Variants in THSD4 observed in about 807,000 individuals in gnomAD.
The protein encoded by THSD4 is thrombospondin type 1 domain containing 4.
Under a neutral mutation model 119.0 loss-of-function variants are expected in THSD4, and 69 were observed. The observed-to-expected ratio is 0.58, with a 90% confidence interval of 0.48 to 0.71. The LOEUF is 0.71. Among genes scored for constraint, THSD4 ranks in the 30% least tolerant of loss-of-function variants. THSD4 has a pLI of 0.00. For missense variants in THSD4, 1,393 were observed against 1,391.1 expected, an observed-to-expected ratio of 1.00 and a Z score of -0.02; for synonymous variants, 524 against 540.4, an observed-to-expected ratio of 0.97 and a Z score of 0.42.
chr15:71,440,193 A>C (rs1235968830), intron 7 of THSD4, among the ~76,000 whole-genome samples: 1 of 152,162 alleles, frequency 6.6e-6, no homozygotes, highest in African/African-American at 2.4e-5. Context: ...GCATGAACAA[A>C]GATTTTGGAT....
chr15:71,636,954 G>T (rs886170409), intron 7 of THSD4, among the ~76,000 whole-genome samples: 4 of 150,312 alleles, frequency 2.7e-5, no homozygotes, highest in Non-Finnish European at 5.9e-5. Context: ...GTGTGATCTC[G>T]GCTCACTACA....
chr15:71,584,496 T>C (rs2049625610), intron 7 of THSD4, among the ~76,000 whole-genome samples: 1 of 152,020 alleles, frequency 6.6e-6, no homozygotes, highest in Non-Finnish European at 1.5e-5. Flanking sequence ...CTCAAACTCC[T>C]GACCTCAGAT....
chr15:71,688,686 G>T (rs965213251), intron 8 of THSD4, among the ~76,000 whole-genome samples: 2 of 139,464 alleles, frequency 1.4e-5, no homozygotes, highest in African/African-American at 5.3e-5. Flanking sequence ...TGTTGTTGAG[G>T]TTTTTTTTTG....
At chr15:71,543,730 G>A (rs1043795432) in intron 7 of THSD4, among the ~76,000 whole-genome samples, 6 of 152,180 alleles carry the variant, frequency 3.9e-5, no homozygotes, top group African/African-American at 1.4e-4. Context: ...GATGGTTGTA[G>A]AGAATCACAG....
intron 6 of THSD4, among the ~76,000 whole-genome samples, chr15:71,354,879 C>T (rs952625073): frequency 6.6e-6 from 1 of 152,174 alleles, no homozygotes; most frequent in Admixed American, 6.5e-5. Flanking sequence ...ATGCTTAGAA[C>T]ATTTCATCTT....
chr15:71,552,205 T>G (rs753300907), intron 7 of THSD4, among the ~76,000 whole-genome samples: 5 of 152,220 alleles, frequency 3.3e-5, no homozygotes, highest in Non-Finnish European at 7.3e-5. Context: ...AGCTCGATCC[T>G]GAGAACTGGA....
chr15:71,173,168 A>C (rs1285551498), intron 3 of THSD4, among the ~76,000 whole-genome samples: 1 of 152,162 alleles, frequency 6.6e-6, no homozygotes, highest in African/African-American at 2.4e-5. Context: ...AAATGAATTC[A>C]CCAAAGTAGC....
At chr15:71,561,863 A>AACACACACACACAC (rs71154780) in intron 7 of THSD4, among the ~76,000 whole-genome samples, 2 of 130,370 alleles carry the variant, frequency 1.5e-5, no homozygotes, top group African/African-American at 6.1e-5. Flanking sequence ...TTTTAAAATA[A>AACACACACACACAC]ACACACACAC....
intron 1 of THSD4, among the ~76,000 whole-genome samples, chr15:71,139,670 A>C (rs1427859835): frequency 2.6e-5 from 4 of 152,196 alleles, no homozygotes; most frequent in African/African-American, 9.7e-5. Context: ...TAAAATCTTG[A>C]TTCTTTTTCC....
intron 7 of THSD4, among the ~76,000 whole-genome samples, chr15:71,479,011 A>G (rs1187175907): frequency 2.0e-5 from 3 of 151,926 alleles, no homozygotes; most frequent in African/African-American, 4.8e-5. Context: ...AACACCAGAG[A>G]GCTGTGGGCC....
In THSD4 at chr15:71,391,284, C is replaced by T. The variant is rs182580627; in HGVS notation, c.1016-20403C>T. Among the ~76,000 whole-genome samples, 112 of 152,286 alleles carry T rather than the reference C, an allele frequency of 7.4e-4. 1 individual carries two copies. Among genetic ancestry groups the T allele is most frequent in the African/African-American group, 2.6e-3 (106 of 41,562 alleles). ...GACCTCGTGATCCGCCTGCCTCGGC[C>T]TCTCAAAGTGCTGGGATTACAGGCG... On this transcript the variant is annotated intron_variant, in intron 6 of 17. Transcript: ENST00000261862.
intron 6 of THSD4, among the ~76,000 whole-genome samples, chr15:71,311,463 T>TGGA (rs2045109747): frequency 6.6e-6 from 1 of 152,198 alleles, no homozygotes; most frequent in Non-Finnish European, 1.5e-5. Context: ...GAACAGCTTT[T>TGGA]AGAATCCAGC....
intron 7 of THSD4, among the ~76,000 whole-genome samples, chr15:71,423,847 A>C (rs1462545114): frequency 6.6e-6 from 1 of 152,192 alleles, no homozygotes; most frequent in Non-Finnish European, 1.5e-5. Flanking sequence ...CCATAACTCA[A>C]GTTCCAACCA....
At chr15:71,570,760 A>C (rs2049334964) in intron 7 of THSD4, among the ~76,000 whole-genome samples, 1 of 152,162 alleles carries the variant, frequency 6.6e-6, no homozygotes, top group South Asian at 2.1e-4. Context: ...GTGTTGGGCG[A>C]GTCCTTCTTC....
chr15:71,648,406 A>G (rs954565488), intron 7 of THSD4, among the ~76,000 whole-genome samples: 16 of 152,174 alleles, frequency 1.1e-4, no homozygotes, highest in Non-Finnish European at 1.9e-4. Context: ...GGCTCCATCC[A>G]GCAGTCTCCC....
At chr15:71,658,083 C>T (rs1720679594) in intron 7 of THSD4, among the ~76,000 whole-genome samples, 1 of 152,184 alleles carries the variant, frequency 6.6e-6, no homozygotes, top group African/African-American at 2.4e-5. Flanking sequence ...CTGGACGGTT[C>T]ATTGTCTCCA....
At chr15:71,288,996 A>G (rs1279601839) in intron 6 of THSD4, among the ~76,000 whole-genome samples, 1 of 152,200 alleles carries the variant, frequency 6.6e-6, no homozygotes, top group Non-Finnish European at 1.5e-5. Flanking sequence ...TCTATCTTTT[A>G]GGAAGATAGC....
intron 7 of THSD4, among the ~76,000 whole-genome samples, chr15:71,522,810 T>C (rs955283742): frequency 1.3e-5 from 2 of 152,314 alleles, no homozygotes; most frequent in East Asian, 1.9e-4. Flanking sequence ...TACCTTGAGA[T>C]GCTATTTAGA....
intron 6 of THSD4, among the ~76,000 whole-genome samples, chr15:71,380,744 A>G (rs1030199727): frequency 1.3e-5 from 2 of 150,772 alleles, no homozygotes; most frequent in African/African-American, 4.8e-5. Context: ...TGAGCCTGGC[A>G]ACACATGTCA....
Sources: gnomAD v4.1 joint callset for allele counts (sites outside exome capture counted in the v4.1 genomes callset) on GRCh38, gnomAD v4.1.1 for gene constraint, MANE v1.5 for transcripts, NCBI Gene and HGNC (gene_info 2026-07-23, HGNC 2026-07-21) for gene names.